CTNND2: variants seen among roughly 807,000 people sequenced by gnomAD.
The protein encoded by CTNND2 is catenin delta-2.
Under a neutral mutation model 144.4 loss-of-function variants are expected in CTNND2, and 22 were observed. That is an observed-to-expected ratio of 0.15 (90% CI 0.11 to 0.22). CTNND2 has a LOEUF of 0.22. CTNND2 is among the 10% of genes least tolerant of loss of function. The probability of loss-of-function intolerance (pLI) is 1.00; values close to 1 mark genes in which losing one functional copy is unlikely to be tolerated. For missense variants in CTNND2, 1,353 were observed against 1,618.8 expected, an observed-to-expected ratio of 0.84 and a Z score of 2.82; for synonymous variants, 751 against 695.6, an observed-to-expected ratio of 1.08 and a Z score of -1.25.
chr5:11,476,799 T>C (rs1272143317), intron 3 of CTNND2, among the ~76,000 whole-genome samples: 5 of 152,170 alleles, frequency 3.3e-5, no homozygotes, highest in Non-Finnish European at 7.3e-5. Flanking sequence ...CAAAAAATAA[T>C]ACTTGACAGC....
At chr5:11,709,184 G>C (rs1785887482) in intron 2 of CTNND2, among the ~76,000 whole-genome samples, 2 of 152,170 alleles carry the variant, frequency 1.3e-5, no homozygotes, top group Non-Finnish European at 2.9e-5. Flanking sequence ...TACTGAAGAG[G>C]CTGGGAAGAT....
At chr5:11,763,931 T>C (rs1354232305) in intron 1 of CTNND2, among the ~76,000 whole-genome samples, 1 of 151,404 alleles carries the variant, frequency 6.6e-6, no homozygotes, top group Admixed American at 6.6e-5. Flanking sequence ...CCCAAGGATA[T>C]CCAAATTCCA....
chr5:11,897,062 G>C (rs1046205192), intron 1 of CTNND2, among the ~76,000 whole-genome samples: 1 of 152,142 alleles, frequency 6.6e-6, no homozygotes, highest in Non-Finnish European at 1.5e-5. Context: ...TATAACACCT[G>C]TCTGTCTTTC....
chr5:11,700,571 A>G (rs1785384487), intron 2 of CTNND2, among the ~76,000 whole-genome samples: 2 of 152,116 alleles, frequency 1.3e-5, no homozygotes, highest in African/African-American at 4.8e-5. Flanking sequence ...GGTGATGCAC[A>G]TTTGTGAGCT....
chr5:11,036,006 T>C lies in CTNND2; in HGVS notation c.2789-13027A>G, dbSNP rs570451226. ...AAAAATAATGAAGTTAGTGTTGGGT[T>C]TTCTCTCTGATTATATTTGAGTATA... On this transcript the variant is annotated intron_variant, in intron 16 of 21. Transcript: ENST00000304623. Among the ~76,000 whole-genome samples, 158 of 152,324 alleles carry C rather than the reference T, an allele frequency of 1.0e-3. 1 individual carries two copies. The highest frequency in any genetic ancestry group is 3.5e-3 in the African/African-American group (145 of 41,568).
chr5:11,065,577 A>C (rs1346193583), intron 16 of CTNND2, among the ~76,000 whole-genome samples: 1 of 152,066 alleles, frequency 6.6e-6, no homozygotes, highest in Non-Finnish European at 1.5e-5. Context: ...CACCCACTCT[A>C]TCTCTTTTTA....
At chr5:11,380,553 T>A (rs12173120) in intron 7 of CTNND2, among the ~76,000 whole-genome samples, 5,596 of 152,308 alleles carry the variant, frequency 0.037, 278 homozygotes, top group East Asian at 0.15. Context: ...TAGCTCTATA[T>A]GATAAAAAGC....
At chr5:11,046,600 T>C (rs896840750) in intron 16 of CTNND2, among the ~76,000 whole-genome samples, 15 of 152,340 alleles carry the variant, frequency 9.8e-5, no homozygotes, top group Admixed American at 9.8e-4. Context: ...TTTTGCTTTA[T>C]TTGACAAATA....
chr5:11,087,251 G>A (rs557121982), intron 15 of CTNND2, among the ~76,000 whole-genome samples: 24 of 152,258 alleles, frequency 1.6e-4, no homozygotes, highest in Middle Eastern at 3.4e-3. Context: ...CAATACCAGG[G>A]TGTCTCATTC....
At chr5:11,262,299 T>C (rs1447078693) in intron 9 of CTNND2, among the ~76,000 whole-genome samples, 6 of 152,102 alleles carry the variant, frequency 3.9e-5, no homozygotes, top group Non-Finnish European at 8.8e-5. Context: ...ACCCACACCA[T>C]ACTGAAGGTA....
intron 1 of CTNND2, among the ~76,000 whole-genome samples, chr5:11,735,373 A>G (rs1293214649): frequency 2.7e-5 from 4 of 150,114 alleles, no homozygotes; most frequent in Admixed American, 2.7e-4. Flanking sequence ...CCAGCTAGGG[A>G]AGGTTTCAGA....
At chr5:11,634,284 C>T (rs1343196511) in intron 2 of CTNND2, among the ~76,000 whole-genome samples, 1 of 152,208 alleles carries the variant, frequency 6.6e-6, no homozygotes, top group African/African-American at 2.4e-5. Context: ...GGCACACACA[C>T]AGCCATGGAG....
chr5:11,523,885 C>G (rs1243109881), intron 3 of CTNND2, among the ~76,000 whole-genome samples: 1 of 152,172 alleles, frequency 6.6e-6, no homozygotes, highest in South Asian at 2.1e-4. Context: ...GGGGTCTGCA[C>G]GTCTCATTCT....
intron 11 of CTNND2, 90 bp from the exon 12 acceptor site, chr5:11,159,849 G>C (rs1758592884): frequency 9.5e-7 from 1 of 1,051,004 alleles, no homozygotes; most frequent in African/African-American, 1.6e-5. Context: ...AACGGAACTG[G>C]CAGGAAGGAT....
At position 11,690,706 on chromosome 5, in the gene CTNND2, G is replaced by A. The variant is rs934972567; in HGVS notation, c.174+41430C>T. On this transcript the variant is annotated intron_variant, in intron 2 of 21. Transcript: ENST00000304623. ...AGCCGAGATTGCGCCACTGCAGTCC[G>A]CAGTCTGGCCTGGGCGACAGAGCGA... Among the ~76,000 whole-genome samples the A allele has an allele frequency of 8.9e-5, 11 of 124,148 alleles. No homozygotes were observed. The South Asian group carries it at 1.8e-3, about 21-fold the overall frequency. The allele number at this position is 124,148 out of a possible 152,430, so 81.4% of individuals were successfully genotyped here. A position where few individuals can be genotyped will look rare whatever the true frequency, so the allele number is the denominator to read the frequency against.
intron 2 of CTNND2, among the ~76,000 whole-genome samples, chr5:11,585,453 AAC>A (rs1778778958): frequency 6.6e-6 from 1 of 150,704 alleles, no homozygotes; most frequent in African/African-American, 2.4e-5. Context: ...TTATATATAT[AAC>A]ACACTATATT....
rs148694637 is a variant in CTNND2, at chr5:11,707,217, T to TTGA, written c.174+24916_174+24918dup. On this transcript the variant is annotated intron_variant, in intron 2 of 21. Coordinates refer to ENST00000304623, the MANE Select transcript of CTNND2 (RefSeq NM_001332.4). Reference sequence around the variant, plus strand: ...ATGTATCAGTAATTAGTTTTTTTTGTTGATGAACTTTCTTACCAGGGAAGC... The same window carrying TTGA: ...ATGTATCAGTAATTAGTTTTTTTTGTTGATGATGAACTTTCTTACCAGGGAAGC... 1.5e-4 allele frequency among the ~76,000 whole-genome samples: 23 copies of TTGA among 151,984 alleles called. 1 individual carries two copies. The East Asian group carries it at 4.5e-3, about 30-fold the overall frequency.
rs114374831 is a variant in CTNND2, at chr5:11,660,610, T to C, written c.174+71526A>G. ...GTTACAGAAGGAAACAAATGGGTCA[T>C]TGGTATAAAATAGAATTTGGGAGGA... On this transcript the variant is annotated intron_variant, in intron 2 of 21. Coordinates refer to ENST00000304623, the MANE Select transcript of CTNND2 (RefSeq NM_001332.4). Among the ~76,000 whole-genome samples, 559 of 152,162 alleles carry C rather than the reference T, an allele frequency of 3.7e-3. 6 individuals are homozygous for C. Among genetic ancestry groups the C allele is most frequent in the African/African-American group, 0.012 (499 of 41,540 alleles).
At chr5:11,727,665 C>T (rs1023857749) in intron 2 of CTNND2, among the ~76,000 whole-genome samples, 3 of 152,290 alleles carry the variant, frequency 2.0e-5, no homozygotes, top group South Asian at 2.1e-4. Flanking sequence ...TCTGACTAAA[C>T]GAATATAAAC....
Sources: gnomAD v4.1 joint callset for allele counts (sites outside exome capture counted in the v4.1 genomes callset) on GRCh38, gnomAD v4.1.1 for gene constraint, MANE v1.5 for transcripts, NCBI Gene and HGNC (gene_info 2026-07-23, HGNC 2026-07-21) for gene names.